ZP2: variants seen among roughly 807,000 people sequenced by gnomAD.
The protein encoded by ZP2 is zona pellucida glycoprotein 2.
In ZP2, 51 loss-of-function variants were observed where a neutral mutation model predicts 84.0. The observed-to-expected ratio is 0.61, with a 90% CI of 0.49 to 0.77. The LOEUF (loss-of-function observed/expected upper bound fraction) is 0.77, where lower values mean the gene tolerates loss of function less well. ZP2 is among the 30% of genes least tolerant of loss of function. The pLI is 0.00. For missense variants in ZP2, 909 were observed against 911.9 expected (o/e 1.00, Z 0.04); for synonymous variants, 375 against 330.9 (o/e 1.13, Z -1.45).
chr16:21,214,159 G>A, upstream of ZP2: 1 of 838,698 alleles, frequency 1.2e-6, no homozygotes, highest in Non-Finnish European at 1.4e-6. Flanking sequence ...CAGGAGATGT[G>A]GTGAGAAAGC....
chr16:21,209,818 G>A (rs907399868), intron 3 of ZP2, 93 bp from the exon 4 acceptor site: 2 of 1,147,062 alleles, frequency 1.7e-6, no homozygotes, highest in Non-Finnish European at 2.6e-6. Flanking sequence ...CCATTTCTAA[G>A]GTACTTCAGT....
At position 21,211,496 on chromosome 16, in the gene ZP2, CATTGAACCAGCCTGA is replaced by C; in HGVS notation, c.37_51del (p.Ser13_Asn17del). 6.2e-7 allele frequency: 1 copy of C among 1,614,192 alleles called. No homozygotes were observed. Among genetic ancestry groups the C allele is most frequent in the Non-Finnish European group, 8.5e-7 (1 of 1,180,016 alleles). On this transcript the variant is annotated inframe_deletion, in exon 1 of 19. Transcript: ENST00000574091. ...TCCAGAATTACTCACCTCCAGCCTG[CATTGAACCAGCCTGA>C]GGGACTCCAAGAGCCTCCTCTCTGC... is the stretch of plus-strand genomic sequence containing the variant.
At chr16:21,197,936 T>C (rs1178972928) in intron 17 of ZP2, 87 bp from the exon 18 acceptor site, 2 of 1,303,348 alleles carry the variant, frequency 1.5e-6, no homozygotes, top group Non-Finnish European at 2.2e-6. Context: ...CCACAGGTTG[T>C]TCATTAAGGC....
rs1401963354 is a variant in ZP2 at position 21,205,449 on chromosome 16, A to G, written c.664T>C (p.Phe222Leu). The G allele has an allele frequency of 6.2e-7, 1 of 1,614,148 alleles. No homozygotes were observed. The highest frequency in any genetic ancestry group is 1.1e-5 in the South Asian group (1 of 91,088). The change falls in exon 7 of 19, where the codon TTC becomes CTC. Residue 222 changes from phenylalanine to leucine, a missense_variant. By Grantham distance (22) the Phe-to-Leu change is conservative (BLOSUM62 0). Transcript: ENST00000574091. ...TAGTGAGTCACTCCAGTGGCATTGA[A>G]TGGCACATGGAAGGTCATCCTGTGG... Reference protein sequence around the residue: ...DNHRMTFHVPFNATGVTHYVQ... With the variant: ...DNHRMTFHVPLNATGVTHYVQ...
In ZP2 at chr16:21,211,354, G is replaced by A; in HGVS notation, c.104C>T (p.Ser35Leu). Residue 35 changes from serine (S) to leucine (L), a missense_variant, in exon 2 of 19, where the codon TCA (serine) becomes TTA (leucine). Transcript: ENST00000574091. ...CTGAGAAACATCTATGGAGTTCCCT[G>A]AAGTCACAAGGGCGAAGAAGAGAGA... ...SISLFFALVT[S>L]GNSIDVSQLV... 2 of 1,614,166 alleles carry A rather than the reference G, an allele frequency of 1.2e-6. No homozygotes were observed. The highest frequency in any genetic ancestry group is 1.7e-6 in the Non-Finnish European group (2 of 1,180,024).
At chr16:21,205,680 A>C (rs1294140221) in intron 6 of ZP2, 51 bp downstream of exon 6, 1 of 1,613,270 alleles carries the variant, frequency 6.2e-7, no homozygotes, top group African/African-American at 1.3e-5. Flanking sequence ...TATCACCTTT[A>C]ACATAGAATT....
chr16:21,203,940 GGGCAAGTTATC>G (rs1386736787), intron 9 of ZP2, 79 bp downstream of exon 9: 26 of 1,435,828 alleles, frequency 1.8e-5, no homozygotes, highest in Non-Finnish European at 2.3e-5. Flanking sequence ...TAGAGCTCAC[GGGCAAGTTATC>G]AGCCGTATGA....
chr16:21,208,940 G>A (rs1336341489), intron 4 of ZP2, among the ~76,000 whole-genome samples: 1 of 152,174 alleles, frequency 6.6e-6, no homozygotes, highest in Non-Finnish European at 1.5e-5. Context: ...CCTGATTAGT[G>A]GTAGAGCCAG....
intron 17 of ZP2, among the ~76,000 whole-genome samples, chr16:21,198,479 A>G (rs1259988949): frequency 1.3e-5 from 2 of 152,210 alleles, no homozygotes; most frequent in Non-Finnish European, 2.9e-5. Context: ...GAGGATCATG[A>G]CTAAGGTAGA....
intron 9 of ZP2, chr16:21,203,664 C>T (rs961675131): frequency 4.5e-5 from 16 of 354,988 alleles, no homozygotes; most frequent in African/African-American, 3.1e-4. Context: ...CTAACCTCAA[C>T]AGCAACAGTA....
chr16:21,198,886 T>G (rs1224106214), intron 16 of ZP2, 24 bp from the exon 17 acceptor site: 1 of 1,608,320 alleles, frequency 6.2e-7, no homozygotes, highest in Admixed American at 1.7e-5. Flanking sequence ...ATCAAGTTTG[T>G]GTTTGGCCTC....
In ZP2 at chr16:21,201,710, G is replaced by A. The variant is rs778660940; in HGVS notation, c.1500C>T (p.Tyr500=). The A allele has an allele frequency of 2.2e-5, 36 of 1,613,936 alleles. No homozygotes were observed. Among genetic ancestry groups the A allele is most frequent in the Non-Finnish European group, 3.0e-5 (35 of 1,180,018 alleles). ...TCACAGACTGCAATCTCTTACCTGG[G>A]TAGCTTTGCAGGATCAAGGTAAATG... ...LGPFTLILQS[Y]PDNSYQQPYG... is the part of the protein sequence containing the mutation. The change falls in exon 13 of 19, where the codon TAC becomes TAT. Residue 500 remains tyrosine, a synonymous_variant. Transcript: ENST00000574091.
chr16:21,206,989 T>C lies in ZP2; in HGVS notation c.332A>G (p.His111Arg). 1.2e-6 allele frequency: 2 copies of C among 1,614,144 alleles called. No individual in the cohort carries two copies. Among genetic ancestry groups the C allele is most frequent in the South Asian group, 1.1e-5 (1 of 91,086 alleles). Residue 111 changes from histidine to arginine, a missense_variant and splice_region_variant, in exon 5 of 19, where the codon CAT (histidine) becomes CGT (arginine). Transcript: ENST00000574091. ...TCTGATGGTCATCTGGTGTCCACCATGCTGTGTACAGATAGCACAGTGGGA... is the reference window on the plus strand; with the variant it reads ...TCTGATGGTCATCTGGTGTCCACCACGCTGTGTACAGATAGCACAGTGGGA... ...ATYDNCTRRV[H>R]GGHQMTIRVM...
intron 9 of ZP2, 58 bp downstream of exon 9, chr16:21,203,972 C>T: frequency 6.3e-7 from 1 of 1,592,932 alleles, no homozygotes; most frequent in Non-Finnish European, 8.5e-7. Context: ...GGACTACCCA[C>T]AAGAGTATAC....
chr16:21,202,656 C>A (rs1052449594), intron 10 of ZP2, among the ~76,000 whole-genome samples: 3 of 152,142 alleles, frequency 2.0e-5, no homozygotes, highest in Admixed American at 6.6e-5. Flanking sequence ...TGTATACTCA[C>A]AAATCCTGAG....
In ZP2 at chr16:21,211,559, C is replaced by T. The variant is rs913039844; in HGVS notation, c.-12G>A. On this transcript the variant is annotated 5_prime_UTR_variant, in exon 1 of 19. The change creates a new upstream start codon in the 5' untranslated region. Transcript: ENST00000574091. ...TGCCTGCACGCCATAGCAGAAGACA[C>T]TACCAGATCAACCAGGTAGAGGGTA... The T allele has an allele frequency of 1.2e-6, 2 of 1,614,092 alleles. No individual in the cohort carries two copies. Among genetic ancestry groups the T allele is most frequent in the Admixed American group, 1.7e-5 (1 of 60,010 alleles).
chr16:21,198,912 A>G (rs1386087539), intron 16 of ZP2, 50 bp from the exon 17 acceptor site: 12 of 1,516,456 alleles, frequency 7.9e-6, no homozygotes, highest in Admixed American at 1.7e-5. Flanking sequence ...TAGTGGTTCG[A>G]GAGGTGTGTC....
At chr16:21,199,939 T>A (rs1417478471) in intron 14 of ZP2, 61 bp from the exon 15 acceptor site, 2 of 1,601,022 alleles carry the variant, frequency 1.2e-6, no homozygotes, top group East Asian at 4.5e-5. Context: ...AAATTCAATG[T>A]CTGCCCAGAT....
rs1461070584 is a variant in ZP2, at chr16:21,198,860, TG to T, written c.1929del (p.Thr644GlnfsTer9). ...TCPVSSRHRR[A>X]TGATEAEKMT... The stretch of plus-strand genomic sequence containing the variant: ...ATTTTCTCTGCTTCAGTGGCCCCTG[TG>T]GCTGGAGACAGATGATCAAGTTTGT... On this transcript the variant is annotated frameshift_variant and splice_region_variant, in exon 17 of 19. Transcript: ENST00000574091. LOFTEE classifies it high-confidence loss of function. 1 of 1,613,604 alleles carries T rather than the reference TG, an allele frequency of 6.2e-7. No homozygotes were observed. Among genetic ancestry groups the T allele is most frequent in the East Asian group, 2.2e-5 (1 of 44,888 alleles).
Sources: gnomAD v4.1 joint callset for allele counts (sites outside exome capture counted in the v4.1 genomes callset) on GRCh38, gnomAD v4.1.1 for gene constraint, MANE v1.5 for transcripts, NCBI Gene and HGNC (gene_info 2026-07-23, HGNC 2026-07-21) for gene names.